PDXDC1: variants seen among roughly 807,000 people sequenced by gnomAD.
PDXDC1 encodes pyridoxal dependent decarboxylase domain containing 1.
In PDXDC1, 42 loss-of-function variants were observed where a neutral mutation model predicts 100.1. The ratio of observed to expected loss-of-function variants is 0.42; its 90% CI spans 0.33 to 0.54. The LOEUF is 0.54. Among genes scored for constraint, PDXDC1 ranks in the 20% least tolerant of loss-of-function variants. The probability of loss-of-function intolerance (pLI) is 0.10; values close to 1 mark genes in which losing one functional copy is unlikely to be tolerated. For missense variants in PDXDC1, 636 were observed against 979.2 expected (o/e 0.65, Z 4.68); for synonymous variants, 260 against 371.7 (o/e 0.70, Z 3.46).
intron 16 of PDXDC1, among the ~76,000 whole-genome samples, chr16:15,054,421 AT>A (rs2044419177): frequency 6.6e-6 from 1 of 152,186 alleles, no homozygotes; most frequent in Non-Finnish European, 1.5e-5. Context: ...TATCACGGAC[AT>A]TTTCAAACAG....
chr16:15,003,149 C>T (rs1973516247), intron 4 of PDXDC1, among the ~76,000 whole-genome samples: 1 of 151,778 alleles, frequency 6.6e-6, no homozygotes, highest in African/African-American at 2.4e-5. Flanking sequence ...ATACCTAGTC[C>T]CCCATGAATT....
At chr16:15,083,323 C>T (rs528376294) in intron 16 of PDXDC1, among the ~76,000 whole-genome samples, 6 of 152,020 alleles carry the variant, frequency 3.9e-5, no homozygotes, top group African/African-American at 1.4e-4. Flanking sequence ...CGCTTGAACC[C>T]GAGAGGCAGA....
intron 8 of PDXDC1, among the ~76,000 whole-genome samples, chr16:15,011,373 C>T (rs1349957160): frequency 6.6e-6 from 1 of 152,288 alleles, no homozygotes; most frequent in African/African-American, 2.4e-5. Flanking sequence ...GAATCTTAAC[C>T]CTTATCTTAT....
At chr16:15,093,041 C>T (rs1384884262) in intron 16 of PDXDC1, among the ~76,000 whole-genome samples, 1 of 151,886 alleles carries the variant, frequency 6.6e-6, no homozygotes, top group Non-Finnish European at 1.5e-5. Context: ...TCTTGCTCTG[C>T]TGCCCAGGCT....
At chr16:15,065,096 G>T in intron 16 of PDXDC1, 10 of 942,152 alleles carry the variant, frequency 1.1e-5, no homozygotes, top group Non-Finnish European at 1.6e-5. Context: ...AACCCGGGAG[G>T]CGGAGCTTGC....
intron 17 of PDXDC1, chr16:15,032,399 C>G (rs2043118658): frequency 5.8e-6 from 1 of 170,966 alleles, no homozygotes; most frequent in Non-Finnish European, 1.3e-5. Flanking sequence ...TGCCTGTAAT[C>G]CCAGCACTTT....
intron 1 of PDXDC1, among the ~76,000 whole-genome samples, chr16:14,976,059 G>A: frequency 6.6e-6 from 1 of 152,418 alleles, no homozygotes; most frequent in African/African-American, 2.4e-5. Flanking sequence ...GTACCAGGCT[G>A]ACTGCTCTAC....
intron 16 of PDXDC1, among the ~76,000 whole-genome samples, chr16:15,112,161 A>C (rs1024548271): frequency 4.0e-5 from 6 of 148,728 alleles, no homozygotes; most frequent in African/African-American, 1.5e-4. Context: ...CATAGCTAAA[A>C]TGCAAAGCAA....
intron 11 of PDXDC1, among the ~76,000 whole-genome samples, chr16:15,017,656 T>C (rs2041891509): frequency 6.6e-6 from 1 of 152,286 alleles, no homozygotes; most frequent in African/African-American, 2.4e-5. Context: ...GTTTTCAGAG[T>C]TTTGTTACTG....
chr16:15,111,751 C>T (rs1258583097), intron 16 of PDXDC1, among the ~76,000 whole-genome samples: 6 of 73,746 alleles, frequency 8.1e-5, no homozygotes, highest in Non-Finnish European at 1.3e-4. Context: ...AGTGAGACTC[C>T]GTCTCAAAAA....
chr16:14,996,730 A>G (rs1972064025), intron 1 of PDXDC1, among the ~76,000 whole-genome samples: 1 of 152,272 alleles, frequency 6.6e-6, no homozygotes, highest in Non-Finnish European at 1.5e-5. Context: ...GGTGGCGAGC[A>G]CTTGTATTCC....
At chr16:14,991,090 T>C (rs1286190526) in intron 1 of PDXDC1, among the ~76,000 whole-genome samples, 2 of 152,290 alleles carry the variant, frequency 1.3e-5, no homozygotes, top group African/African-American at 2.4e-5. Context: ...GTAAACTGCA[T>C]GTACACTCCA....
the PDXDC1 span, among the ~76,000 whole-genome samples, chr16:15,150,034 G>A: frequency 5.9e-5 from 9 of 151,968 alleles, no homozygotes; most frequent in South Asian, 4.2e-4. Context: ...AGAGAGGAAG[G>A]GAAGCTCCTA....
At chr16:15,017,678 C>T (rs2041892693) in intron 11 of PDXDC1, among the ~76,000 whole-genome samples, 1 of 152,250 alleles carries the variant, frequency 6.6e-6, no homozygotes, top group African/African-American at 2.4e-5. Flanking sequence ...AATAATGAAG[C>T]AGTGAACGTC....
chr16:15,081,374 G>T (rs1305598034), intron 16 of PDXDC1, among the ~76,000 whole-genome samples: 1 of 152,108 alleles, frequency 6.6e-6, no homozygotes, highest in Non-Finnish European at 1.5e-5. Context: ...CCATATCCTT[G>T]TGAACACTTG....
chr16:15,080,154 T>C, intron 16 of PDXDC1: 5 of 1,524,128 alleles, frequency 3.3e-6, no homozygotes, highest in South Asian at 1.3e-5. Flanking sequence ...TTCACAGTTA[T>C]GTAAGCAAAA....
At chr16:15,070,005 A>G (rs1218070378) in intron 16 of PDXDC1, 1 of 1,080,710 alleles carries the variant, frequency 9.3e-7, no homozygotes, top group Non-Finnish European at 1.4e-6. Context: ...AAAGTAATGA[A>G]TCACCATTCT....
intron 16 of PDXDC1, chr16:15,130,945 A>G: frequency 1.4e-6 from 1 of 723,548 alleles, no homozygotes; most frequent in Non-Finnish European, 2.4e-6. Context: ...CGTGGCCCCC[A>G]GCTCCTCTCC....
At chr16:15,141,085 GTCCCTGCCAC>G (rs1426670012), downstream of PDXDC1, among the ~76,000 whole-genome samples, 9 of 146,686 alleles carry the variant, frequency 6.1e-5, no homozygotes, top group African/African-American at 2.1e-4. Flanking sequence ...GCCCCTGCCA[GTCCCTGCCAC>G]CCTCCATCCC....
Sources: gnomAD v4.1 joint callset for allele counts (sites outside exome capture counted in the v4.1 genomes callset) on GRCh38, gnomAD v4.1.1 for gene constraint, MANE v1.5 for transcripts, NCBI Gene and HGNC (gene_info 2026-07-23, HGNC 2026-07-21) for gene names.